The following ACKR2 variants were observed in gnomAD, a reference collection of about 807,000 sequenced individuals.
The protein encoded by ACKR2 is atypical chemokine receptor 2.
For synonymous variants in ACKR2, 207 were observed against 192.2 expected, an observed-to-expected ratio of 1.08 and a Z score of -0.64; for missense variants, 457 against 477.3, an observed-to-expected ratio of 0.96 and a Z score of 0.40.
rs60852769 is a variant in ACKR2, at chr3:42,866,878, A to AT, written c.*1234dup. The AT allele has an allele frequency of 5.8e-3, 899 of 155,408 alleles. No homozygotes were observed. Among genetic ancestry groups the AT allele is most frequent in the South Asian group, 4.2e-3 (19 of 4,570 alleles). The allele number at this position is 155,408 out of a possible 1,614,324, so 9.6% of individuals were successfully genotyped here. On this transcript the variant is annotated 3_prime_UTR_variant, in exon 3 of 3. Transcript: ENST00000422265. Reference sequence around the variant, plus strand: ...AAATGAAGAACAAAAAAAAAGATTGATTTTTTTTTTTTTGAGACAGGATCT... The same window carrying AT: ...AAATGAAGAACAAAAAAAAAGATTGATTTTTTTTTTTTTTGAGACAGGATCT...
intron 2 of ACKR2, among the ~76,000 whole-genome samples, chr3:42,834,220 A>C (rs1265359863): frequency 2.0e-5 from 3 of 152,192 alleles, no homozygotes; most frequent in African/African-American, 7.2e-5. Context: ...GGCCTCCCAA[A>C]GTACCGGGAT....
intron 2 of ACKR2, among the ~76,000 whole-genome samples, chr3:42,837,406 G>T (rs563832542): frequency 1.3e-5 from 2 of 152,014 alleles, no homozygotes; most frequent in East Asian, 3.9e-4. Flanking sequence ...TATATATTTA[G>T]AGATGGGGTC....
At chr3:42,829,387 C>T (rs1024351260) in intron 2 of ACKR2, among the ~76,000 whole-genome samples, 4 of 152,160 alleles carry the variant, frequency 2.6e-5, no homozygotes, top group African/African-American at 9.7e-5. Context: ...ATCTCTGACT[C>T]ATCAGAAATT....
intron 2 of ACKR2, chr3:42,841,904 G>C (rs1374000162): frequency 2.6e-5 from 4 of 152,200 alleles, no homozygotes; most frequent in Non-Finnish European, 5.9e-5. Flanking sequence ...CTAGTAGTTA[G>C]GCACACAGGC....
intron 2 of ACKR2, among the ~76,000 whole-genome samples, chr3:42,855,526 AG>A (rs2088306816): frequency 6.6e-6 from 1 of 152,206 alleles, no homozygotes; most frequent in Non-Finnish European, 1.5e-5. Flanking sequence ...GTGAAAGATC[AG>A]GGGTAAAGGC....
intron 1 of ACKR2, among the ~76,000 whole-genome samples, chr3:42,810,743 T>C (rs1205417502): frequency 1.3e-5 from 2 of 152,258 alleles, no homozygotes; most frequent in Non-Finnish European, 2.9e-5. Flanking sequence ...TGCGCTCTCA[T>C]GGCAACTGGC....
At chr3:42,820,894 T>C (rs909414623) in intron 2 of ACKR2, among the ~76,000 whole-genome samples, 2 of 151,756 alleles carry the variant, frequency 1.3e-5, no homozygotes, top group African/African-American at 4.8e-5. Context: ...TTTTTTTTTT[T>C]TTTTCTTTGA....
intron 2 of ACKR2, among the ~76,000 whole-genome samples, chr3:42,822,275 G>T (rs753125189): frequency 5.3e-5 from 8 of 151,878 alleles, no homozygotes; most frequent in Non-Finnish European, 7.4e-5. Flanking sequence ...TTTTATTTCC[G>T]TTTTTAAAAA....
chr3:42,864,486 G>C lies in ACKR2; in HGVS notation c.-17G>C. Reference sequence around the variant, plus strand: ...CGCAGCACTACAGGACGTCGGGACTGGGCATTTCCTTCCAACATGGCCGCC... The same window carrying C: ...CGCAGCACTACAGGACGTCGGGACTCGGCATTTCCTTCCAACATGGCCGCC... On this transcript the variant is annotated 5_prime_UTR_variant, in exon 3 of 3. Transcript: ENST00000422265. 6.3e-7 allele frequency: 1 copy of C among 1,582,046 alleles called. No individual in the cohort carries two copies. The highest frequency in any genetic ancestry group is 8.6e-7 in the Non-Finnish European group (1 of 1,163,406).
chr3:42,849,016 A>G (rs1701125567), intron 2 of ACKR2, among the ~76,000 whole-genome samples: 1 of 152,246 alleles, frequency 6.6e-6, no homozygotes, highest in African/African-American at 2.4e-5. Flanking sequence ...GAACTGCCCC[A>G]GAATGAAGAG....
chr3:42,856,506 G>C (rs1171697059), intron 2 of ACKR2: 2 of 679,378 alleles, frequency 2.9e-6, no homozygotes, highest in Non-Finnish European at 5.3e-6. Flanking sequence ...ATCAGAAAGG[G>C]CTAAGGAAAA....
chr3:42,864,679 G>A lies in ACKR2; in HGVS notation c.177G>A (p.Leu59=). ...TCTTCTATAGCCTGATTTTTGTGTT[G>A]GGCCTCAGCGGGAACCTCCTTCTTC... The part of the protein sequence containing the change: ...LPVFYSLIFV[L]GLSGNLLLLM... The change falls in exon 3 of 3, where the codon TTG becomes TTA. Residue 59 remains leucine, a synonymous_variant. Transcript: ENST00000422265. 6.2e-7 allele frequency: 1 copy of A among 1,614,086 alleles called. No individual in the cohort carries two copies. The highest frequency in any genetic ancestry group is 8.5e-7 in the Non-Finnish European group (1 of 1,180,026).
At chr3:42,810,802 C>A (rs1167724028) in intron 1 of ACKR2, among the ~76,000 whole-genome samples, 1 of 152,208 alleles carries the variant, frequency 6.6e-6, no homozygotes, top group South Asian at 2.1e-4. Flanking sequence ...ATTAAAAATC[C>A]TTTGTTCGAG....
intron 1 of ACKR2, among the ~76,000 whole-genome samples, chr3:42,815,791 A>T (rs1700742255): frequency 6.6e-6 from 1 of 152,218 alleles, no homozygotes; most frequent in African/African-American, 2.4e-5. Context: ...TGCATTCCAG[A>T]ACATTAATTC....
intron 2 of ACKR2, among the ~76,000 whole-genome samples, chr3:42,821,114 GA>G (rs1457862166): frequency 1.3e-5 from 2 of 152,094 alleles, no homozygotes; most frequent in African/African-American, 2.4e-5. Flanking sequence ...TCGAACGCCT[GA>G]CCTCGTGATC....
Position 42,864,546 on chromosome 3 carries a change from C to T in ACKR2, c.44C>T (p.Ala15Val), listed in dbSNP as rs1208751807. The stretch of plus-strand genomic sequence containing the variant: ...CCGCAGCCACTCGCCACTGAGGATG[C>T]CGATTCTGAGAATAGCAGCTTCTAT... ...ASPQPLATED[A>V]DSENSSFYYY... Residue 15 changes from alanine to valine, a missense_variant, in exon 3 of 3, where the codon GCC becomes GTC. Physicochemically the swap from Ala to Val is moderately conservative, Grantham distance 64. Coordinates refer to ENST00000422265, the MANE Select transcript of ACKR2 (RefSeq NM_001296.5). The T allele has an allele frequency of 1.9e-6, 3 of 1,612,158 alleles. No homozygotes were observed. Among genetic ancestry groups the T allele is most frequent in the Non-Finnish European group, 1.7e-6 (2 of 1,178,692 alleles).
At chr3:42,834,429 C>T (rs1042059893) in intron 2 of ACKR2, among the ~76,000 whole-genome samples, 1 of 152,026 alleles carries the variant, frequency 6.6e-6, no homozygotes, top group Non-Finnish European at 1.5e-5. Flanking sequence ...GACTACAGTA[C>T]AGTCACACGA....
intron 2 of ACKR2, among the ~76,000 whole-genome samples, chr3:42,830,016 T>A (rs940769494): frequency 6.6e-6 from 1 of 151,868 alleles, no homozygotes; most frequent in African/African-American, 2.4e-5. Flanking sequence ...TTCATAGATG[T>A]CTAATATTTA....
intron 2 of ACKR2, among the ~76,000 whole-genome samples, chr3:42,838,460 A>C (rs551274915): frequency 1.3e-5 from 2 of 152,212 alleles, no homozygotes; most frequent in Non-Finnish European, 2.9e-5. Context: ...CAATGTCATT[A>C]GTTCATAAGG....
Sources: allele counts gnomAD v4.1 joint callset (sites outside exome capture counted in the v4.1 genomes callset), GRCh38; gene constraint gnomAD v4.1.1; transcripts MANE v1.5; gene names NCBI Gene and HGNC (gene_info 2026-07-23, HGNC 2026-07-21).